The following TENM3 variants were observed in gnomAD, a reference collection of about 807,000 sequenced individuals.
The protein encoded by TENM3 is teneurin-3.
A neutral mutation model predicts 255.1 loss-of-function variants in TENM3; 63 were observed. That is an observed-to-expected ratio of 0.25 (90% CI 0.20 to 0.30). TENM3 has a LOEUF of 0.30. TENM3 is among the 10% of genes least tolerant of loss of function. TENM3 has a pLI of 1.00. For missense variants in TENM3, 2,929 were observed against 3,461.1 expected (o/e 0.85, Z 3.86); for synonymous variants, 1,306 against 1,322.3 (o/e 0.99, Z 0.27).
At chr4:181,907,012 G>A in the TENM3 span, among the ~76,000 whole-genome samples, 12,708 of 152,148 alleles carry the variant, frequency 0.084, 627 homozygotes, top group East Asian at 0.19. Context: ...CCCAGTAGCT[G>A]TGATTACAGG....
At chr4:181,517,786 G>T in the TENM3 span, among the ~76,000 whole-genome samples, 10 of 152,264 alleles carry the variant, frequency 6.6e-5, no homozygotes, top group South Asian at 2.1e-3. Flanking sequence ...GATAATAGAA[G>T]AATTCTCTAT....
At chr4:181,721,577 G>C in the TENM3 span, among the ~76,000 whole-genome samples, 6 of 46,262 alleles carry the variant, frequency 1.3e-4, no homozygotes, top group Non-Finnish European at 2.2e-4. Flanking sequence ...TCCAGCCTGG[G>C]CGACAGAGCG....
At chr4:181,843,627 G>A in the TENM3 span, among the ~76,000 whole-genome samples, 1 of 151,850 alleles carries the variant, frequency 6.6e-6, no homozygotes, top group Admixed American at 6.6e-5. Flanking sequence ...CGGAGACTGG[G>A]TAGTTTATAA....
chr4:182,291,353 G>A (rs1168093920), intron 1 of TENM3, among the ~76,000 whole-genome samples: 1 of 152,168 alleles, frequency 6.6e-6, no homozygotes, highest in Non-Finnish European at 1.5e-5. Context: ...TAGAGGCCAG[G>A]AGACAAAGCA....
chr4:182,421,859 G>A (rs1042714309), intron 3 of TENM3, among the ~76,000 whole-genome samples: 1 of 152,172 alleles, frequency 6.6e-6, no homozygotes, highest in African/African-American at 2.4e-5. Flanking sequence ...CTCAGGGGCT[G>A]AAATGGCCCT....
intron 2 of TENM3, among the ~76,000 whole-genome samples, chr4:182,346,217 T>C (rs973170360): frequency 1.3e-5 from 2 of 152,208 alleles, no homozygotes; most frequent in Admixed American, 6.5e-5. Flanking sequence ...AGGGAAACTT[T>C]TCTCTTCCAA....
intron 1 of TENM3, among the ~76,000 whole-genome samples, chr4:182,213,125 T>C (rs1052838203): frequency 3.3e-5 from 5 of 152,208 alleles, no homozygotes; most frequent in African/African-American, 1.2e-4. Context: ...AACCAGATCT[T>C]CCCAGTAACT....
At chr4:182,005,437 T>C in the TENM3 span, among the ~76,000 whole-genome samples, 4 of 152,314 alleles carry the variant, frequency 2.6e-5, no homozygotes, top group African/African-American at 9.6e-5. Context: ...TATGTCTGTT[T>C]TGGTACCAGT....
the TENM3 span, among the ~76,000 whole-genome samples, chr4:182,102,681 G>T: frequency 1.3e-5 from 2 of 152,208 alleles, no homozygotes; most frequent in South Asian, 4.1e-4. Flanking sequence ...TACAAAGGGA[G>T]TTAAGAGCAC....
chr4:181,463,767 C>A, the TENM3 span, among the ~76,000 whole-genome samples: 1 of 152,128 alleles, frequency 6.6e-6, no homozygotes, highest in Non-Finnish European at 1.5e-5. Flanking sequence ...TTGTATCACC[C>A]TCCCCTAAAA....
chr4:182,056,073 G>A, the TENM3 span, among the ~76,000 whole-genome samples: 1 of 152,038 alleles, frequency 6.6e-6, no homozygotes. Context: ...GTGTTCTCCT[G>A]TTTAGCTGTC....
At chr4:182,508,837 AT>A (rs1171301087) in intron 3 of TENM3, among the ~76,000 whole-genome samples, 1 of 152,204 alleles carries the variant, frequency 6.6e-6, no homozygotes, top group African/African-American at 2.4e-5. Context: ...AGGCAGGAAT[AT>A]TTTCTCTGCA....
the TENM3 span, among the ~76,000 whole-genome samples, chr4:181,713,378 A>T: frequency 6.6e-6 from 1 of 152,096 alleles, no homozygotes; most frequent in African/African-American, 2.4e-5. Context: ...AAGATATATG[A>T]TTTCTGAAAC....
intron 1 of TENM3, among the ~76,000 whole-genome samples, chr4:182,231,228 G>A (rs1756554472): frequency 6.6e-6 from 1 of 151,942 alleles, no homozygotes; most frequent in Non-Finnish European, 1.5e-5. Flanking sequence ...GAATGTTCGA[G>A]GGGGTCTAAG....
chr4:182,037,088 C>T, the TENM3 span, among the ~76,000 whole-genome samples: 1 of 151,804 alleles, frequency 6.6e-6, no homozygotes. Context: ...TATAGATGTA[C>T]TCTCATTCTG....
At position 182,368,078 on chromosome 4, in the gene TENM3, A is replaced by T. The variant is rs143324094; in HGVS notation, c.511+21149A>T. Reference sequence around the variant, plus strand: ...AGCGATTGAATAGCAGAGTCTGAGAATATTTTATCCCATGCATTTTAGTTA... The same window carrying T: ...AGCGATTGAATAGCAGAGTCTGAGATTATTTTATCCCATGCATTTTAGTTA... On this transcript the variant is annotated intron_variant, in intron 3 of 27. Transcript: ENST00000511685. 8.5e-3 allele frequency among the ~76,000 whole-genome samples: 1,288 copies of T among 152,298 alleles called. 9 individuals are homozygous for T. The highest frequency in any genetic ancestry group is 0.012 in the Non-Finnish European group (840 of 68,026).
chr4:181,766,863 C>T, the TENM3 span, among the ~76,000 whole-genome samples: 1 of 151,874 alleles, frequency 6.6e-6, no homozygotes, highest in Non-Finnish European at 1.5e-5. Flanking sequence ...CACCACAAAG[C>T]AGAAGAGAAT....
chr4:181,793,235 G>T, the TENM3 span, among the ~76,000 whole-genome samples: 4 of 152,126 alleles, frequency 2.6e-5, no homozygotes, highest in Non-Finnish European at 5.9e-5. Context: ...ATAGTCAAAG[G>T]CCATGGTAAT....
At chr4:181,920,038 C>G in the TENM3 span, among the ~76,000 whole-genome samples, 6 of 151,928 alleles carry the variant, frequency 3.9e-5, no homozygotes, top group East Asian at 1.2e-3. Flanking sequence ...CCAATTTCCT[C>G]CATGTCCCTA....
Sources: gnomAD v4.1 joint callset for allele counts (sites outside exome capture counted in the v4.1 genomes callset) on GRCh38, gnomAD v4.1.1 for gene constraint, MANE v1.5 for transcripts, NCBI Gene and HGNC (gene_info 2026-07-23, HGNC 2026-07-21) for gene names.